The following PCDHGA5 variants were observed in gnomAD, a reference collection of about 807,000 sequenced individuals.
PCDHGA5 encodes the protein protocadherin gamma-A5.
In PCDHGA5, 36 loss-of-function variants were observed where a neutral mutation model predicts 56.7. The observed-to-expected ratio is 0.64, with a 90% CI of 0.49 to 0.84. PCDHGA5 has a LOEUF of 0.84. Among genes scored for constraint, PCDHGA5 ranks in the 40% least tolerant of loss-of-function variants. The pLI, the probability that PCDHGA5 is intolerant of heterozygous loss-of-function variation, is 0.00. For synonymous variants in PCDHGA5, 563 were observed against 520.2 expected, an observed-to-expected ratio of 1.08 and a Z score of -1.12; for missense variants, 1,305 against 1,201.5, an observed-to-expected ratio of 1.09 and a Z score of -1.27.
chr5:141,409,443 A>C (rs1276603306), intron 1 of PCDHGA5: 1 of 1,614,014 alleles, frequency 6.2e-7, no homozygotes, highest in East Asian at 2.2e-5. Context: ...GACCGAGAGC[A>C]GACACCAGAA....
intron 1 of PCDHGA5, chr5:141,378,349 C>T (rs1774833758): frequency 6.6e-6 from 1 of 152,158 alleles, no homozygotes; most frequent in African/African-American, 2.4e-5. Flanking sequence ...ATGGTGAAAC[C>T]CCGTCTCTAC....
At chr5:141,435,172 T>G (rs1406204282) in intron 1 of PCDHGA5, among the ~76,000 whole-genome samples, 1 of 152,198 alleles carries the variant, frequency 6.6e-6, no homozygotes, top group Non-Finnish European at 1.5e-5. Context: ...GAGTGGCTTT[T>G]AACTACACTT....
intron 2 of PCDHGA5, among the ~76,000 whole-genome samples, chr5:141,500,877 AT>A (rs369345007): frequency 5.2e-4 from 64 of 122,250 alleles, no homozygotes; most frequent in Admixed American, 1.0e-3. Context: ...TTCATTTACA[AT>A]TTTTTTTTTT....
chr5:141,366,800 C>T (rs1243230147), intron 1 of PCDHGA5, 49 bp downstream of exon 1: 5 of 1,565,238 alleles, frequency 3.2e-6, no homozygotes, highest in Non-Finnish European at 4.3e-6. Context: ...TCATTTGTTT[C>T]CTTTTTCATG....
rs113107293 is a variant in PCDHGA5, at chr5:141,432,844, A to G, written c.2422-61963A>G. ...CAGACCTCACTCTGTACCTGGTGGTAGCGGTGGCCGCGGTCTCCTGCGTCT... is the reference window on the plus strand; with the variant it reads ...CAGACCTCACTCTGTACCTGGTGGTGGCGGTGGCCGCGGTCTCCTGCGTCT... On this transcript the variant is annotated intron_variant, in intron 1 of 3. Coordinates refer to ENST00000518069, the MANE Select transcript of PCDHGA5 (RefSeq NM_018918.3). This position sits in a 1 kb window ranked among gnomAD's most constrained non-coding sequence, Gnocchi z 6.0. 0.01 allele frequency: 16,860 copies of G among 1,614,178 alleles called. 121 individuals carry two copies. Among genetic ancestry groups the G allele is most frequent in the Non-Finnish European group, 0.012 (14,441 of 1,180,006 alleles).
At chr5:141,422,997 C>A in intron 1 of PCDHGA5, 3 of 1,614,218 alleles carry the variant, frequency 1.9e-6, no homozygotes, top group Non-Finnish European at 2.5e-6. Flanking sequence ...ACCTGGTGAC[C>A]AAGGTGGTTG....
At chr5:141,413,219 G>C in intron 1 of PCDHGA5, 1 of 1,613,506 alleles carries the variant, frequency 6.2e-7, no homozygotes, top group Non-Finnish European at 8.5e-7. Context: ...AAGGATTGCA[G>C]CGGGCTGGTC....
intron 1 of PCDHGA5, chr5:141,388,283 C>T (rs1164558432): frequency 1.2e-6 from 2 of 1,613,304 alleles, no homozygotes; most frequent in East Asian, 4.5e-5. Flanking sequence ...CGCCAAAATT[C>T]ACGCAAAATT....
chr5:141,402,710 C>T (rs2094297033), intron 1 of PCDHGA5, among the ~76,000 whole-genome samples: 1 of 152,092 alleles, frequency 6.6e-6, no homozygotes, highest in African/African-American at 2.4e-5. Context: ...GGTGTAGTAA[C>T]GGCTTAGGAC....
rs1231167998 is a variant in PCDHGA5, at chr5:141,399,197, T to C, written c.2421+32446T>C. 1.9e-6 allele frequency: 3 copies of C among 1,613,808 alleles called. No individual in the cohort carries two copies. In the African/African-American group the frequency reaches 4.0e-5, roughly 22 times the overall value. On this transcript the variant is annotated intron_variant, in intron 1 of 3. Transcript: ENST00000518069. ...CTTGAAATGATTCTGGAAAACGCGGTGCCTGGAACACTAATTGCTTTGATC... is the reference window on the plus strand; with the variant it reads ...CTTGAAATGATTCTGGAAAACGCGGCGCCTGGAACACTAATTGCTTTGATC...
At chr5:141,407,261 C>G (rs1396861077) in intron 1 of PCDHGA5, among the ~76,000 whole-genome samples, 1 of 152,128 alleles carries the variant, frequency 6.6e-6, no homozygotes, top group Non-Finnish European at 1.5e-5. Flanking sequence ...TATTTTTAAC[C>G]ATGCAACAAG....
Position 141,476,023 on chromosome 5 carries a change from G to A in PCDHGA5, c.2422-18784G>A. 1 of 1,415,690 alleles carries A rather than the reference G, an allele frequency of 7.1e-7. No homozygotes were observed. The highest frequency in any genetic ancestry group is 2.3e-5 in the Admixed American group (1 of 43,980). 87.7% of individuals were successfully genotyped at this position (1,415,690 alleles called of 1,614,324 possible). A position where few individuals can be genotyped will look rare whatever the true frequency, so the allele number is the denominator to read the frequency against. ...CATCCAGAAAGCCATGTCGGACTCG[G>A]CGCCCAGCGCCCAAGCGCTAACCCG... On this transcript the variant is annotated intron_variant, in intron 1 of 3. Coordinates refer to ENST00000518069, the MANE Select transcript of PCDHGA5 (RefSeq NM_018918.3). This position sits in a 1 kb window ranked among gnomAD's most constrained non-coding sequence, Gnocchi z 7.6.
chr5:141,384,726 T>C (rs1561604051), intron 1 of PCDHGA5: 3 of 1,613,886 alleles, frequency 1.9e-6, no homozygotes. Flanking sequence ...ACCTCCTGCT[T>C]AAGGCCAGCG....
At position 141,390,009 on chromosome 5, in the gene PCDHGA5, A is replaced by G. The variant is rs200734314; in HGVS notation, c.2421+23258A>G. The G allele has an allele frequency of 4.0e-3, 6,510 of 1,613,890 alleles. 27 individuals carry two copies. Among genetic ancestry groups the G allele is most frequent in the Non-Finnish European group, 4.8e-3 (5,639 of 1,179,872 alleles). ...CTTCCTCGTGGCCATGATTCTGGCCATTGCCTTGCGCCTGCGACGCTCCTC... is the reference window on the plus strand; with the variant it reads ...CTTCCTCGTGGCCATGATTCTGGCCGTTGCCTTGCGCCTGCGACGCTCCTC... On this transcript the variant is annotated intron_variant, in intron 1 of 3. Coordinates refer to ENST00000518069, the MANE Select transcript of PCDHGA5 (RefSeq NM_018918.3).
At chr5:141,372,403 A>G in intron 1 of PCDHGA5, 1 of 1,614,028 alleles carries the variant, frequency 6.2e-7, no homozygotes, top group Non-Finnish European at 8.5e-7. Flanking sequence ...AGCTTGCAAG[A>G]GATACAACCT....
chr5:141,420,683 G>A (rs1308504595), intron 1 of PCDHGA5, among the ~76,000 whole-genome samples: 1 of 152,190 alleles, frequency 6.6e-6, no homozygotes, highest in Non-Finnish European at 1.5e-5. Context: ...ATTTTATCGG[G>A]ACCGTATTAT....
intron 1 of PCDHGA5, among the ~76,000 whole-genome samples, chr5:141,457,187 G>A (rs1314148733): frequency 1.3e-5 from 2 of 152,210 alleles, no homozygotes; most frequent in Admixed American, 1.3e-4. Flanking sequence ...ATAGTAGAGT[G>A]AGGAAAGCAG....
rs145484670 is a variant in PCDHGA5 at position 141,469,912 on chromosome 5, C to T, written c.2422-24895C>T. Among the ~76,000 whole-genome samples, 674 of 152,288 alleles carry T rather than the reference C, an allele frequency of 4.4e-3. 6 individuals are homozygous for T. The highest frequency in any genetic ancestry group is 0.015 in the African/African-American group (642 of 41,562). On this transcript the variant is annotated intron_variant, in intron 1 of 3. Transcript: ENST00000518069. ...TTGGGAAGCCGAGGCAGGCAGACCA[C>T]CCGAGGTCAGGAGTTTGAGACCAGC...
chr5:141,382,749 G>C, intron 1 of PCDHGA5: 1 of 612,214 alleles, frequency 1.6e-6, no homozygotes, highest in Non-Finnish European at 2.8e-6. Context: ...GACAGATTGC[G>C]ATAAGCCCTC....
Sources: allele counts gnomAD v4.1 joint callset (sites outside exome capture counted in the v4.1 genomes callset), GRCh38; gene constraint gnomAD v4.1.1; non-coding constraint Gnocchi (gnomAD v3.1); transcripts MANE v1.5; gene names NCBI Gene and HGNC (gene_info 2026-07-23, HGNC 2026-07-21).